Variants in GDAP1 observed in about 807,000 individuals in gnomAD.
GDAP1 encodes the protein ganglioside-induced differentiation-associated protein 1.
Under a neutral mutation model 40.1 loss-of-function variants are expected in GDAP1, and 34 were observed. That is an observed-to-expected ratio of 0.85 (90% CI 0.64 to 1.13). The LOEUF (loss-of-function observed/expected upper bound fraction) is 1.13, where lower values mean the gene tolerates loss of function less well. Among genes scored for constraint, GDAP1 ranks in the 50% most tolerant of loss-of-function variants. The probability of loss-of-function intolerance (pLI) is 0.00; values close to 1 mark genes in which losing one functional copy is unlikely to be tolerated. For synonymous variants in GDAP1, 170 were observed against 157.4 expected (o/e 1.08, Z -0.60); for missense variants, 374 against 433.7 (o/e 0.86, Z 1.22).
chr8:74,368,191 A>T (rs1809692413), downstream of GDAP1, among the ~76,000 whole-genome samples: 1 of 152,218 alleles, frequency 6.6e-6, no homozygotes, highest in African/African-American at 2.4e-5. Context: ...TCAAGTTTCC[A>T]TGCCAAAAAC....
intron 2 of GDAP1, among the ~76,000 whole-genome samples, chr8:74,443,972 TTCTG>T (rs748579595): frequency 1.0e-3 from 138 of 138,056 alleles, no homozygotes; most frequent in Non-Finnish European, 1.7e-3. Flanking sequence ...CCTTTATTCT[TTCTG>T]TCTGTCTATC....
chr8:74,388,931 T>C (rs951918870), intron 2 of GDAP1, among the ~76,000 whole-genome samples: 7 of 152,228 alleles, frequency 4.6e-5, no homozygotes, highest in Non-Finnish European at 8.8e-5. Flanking sequence ...TACCATTATG[T>C]AATGCCCTTC....
intron 2 of GDAP1, among the ~76,000 whole-genome samples, chr8:74,442,088 T>C (rs2131572515): frequency 6.6e-6 from 1 of 152,354 alleles, no homozygotes; most frequent in East Asian, 1.9e-4. Context: ...TAAAAACTGT[T>C]AAGCTAAGTT....
At chr8:74,353,284 T>G (rs1266876729) in intron 2 of GDAP1, among the ~76,000 whole-genome samples, 2 of 152,196 alleles carry the variant, frequency 1.3e-5, no homozygotes, top group African/African-American at 4.8e-5. Flanking sequence ...ACTATTATTG[T>G]AACTCAGCAA....
intron 2 of GDAP1, among the ~76,000 whole-genome samples, chr8:74,457,905 T>G (rs190626592): frequency 1.4e-4 from 21 of 152,248 alleles, no homozygotes; most frequent in Admixed American, 1.2e-3. Flanking sequence ...GTAATTATGA[T>G]TACCATGATA....
chr8:74,419,458 A>G (rs1300596740), intron 2 of GDAP1, among the ~76,000 whole-genome samples: 8 of 152,210 alleles, frequency 5.3e-5, no homozygotes, highest in Non-Finnish European at 1.5e-5. Flanking sequence ...CTTGGAAAGA[A>G]AAAACTGTAG....
At chr8:74,436,867 A>G (rs903231829) in intron 2 of GDAP1, among the ~76,000 whole-genome samples, 84 of 152,202 alleles carry the variant, frequency 5.5e-4, no homozygotes, top group African/African-American at 2.0e-3. Context: ...TGACTAAATT[A>G]GGACTCAAAA....
intron 2 of GDAP1, among the ~76,000 whole-genome samples, chr8:74,423,655 C>G (rs1439411611): frequency 2.6e-5 from 4 of 151,870 alleles, no homozygotes; most frequent in Non-Finnish European, 4.4e-5. Flanking sequence ...CTCAGTAAAA[C>G]AGATTTACTA....
At chr8:74,438,791 G>A (rs1023726469) in intron 2 of GDAP1, among the ~76,000 whole-genome samples, 2 of 152,068 alleles carry the variant, frequency 1.3e-5, no homozygotes, top group Non-Finnish European at 2.9e-5. Context: ...TGTAGAGATG[G>A]AGATCTTGCT....
At chr8:74,422,677 A>G (rs1215746966) in intron 2 of GDAP1, among the ~76,000 whole-genome samples, 1 of 151,962 alleles carries the variant, frequency 6.6e-6, no homozygotes, top group East Asian at 1.9e-4. Flanking sequence ...GAGACATTGA[A>G]GAAAAGAGGC....
At chr8:74,375,425 A>G (rs1809836579) in intron 2 of GDAP1, among the ~76,000 whole-genome samples, 1 of 152,226 alleles carries the variant, frequency 6.6e-6, no homozygotes, top group South Asian at 2.1e-4. Flanking sequence ...TCAAAAGTAT[A>G]CGTCATACAT....
chr8:74,410,295 T>C (rs1805693505), intron 2 of GDAP1, among the ~76,000 whole-genome samples: 1 of 149,910 alleles, frequency 6.7e-6, no homozygotes, highest in Non-Finnish European at 1.5e-5. Flanking sequence ...TTGATTGAAT[T>C]TATCTGCATT....
chr8:74,356,715 TA>T (rs1246071051), intron 2 of GDAP1, among the ~76,000 whole-genome samples: 74 of 90,500 alleles, frequency 8.2e-4, no homozygotes, highest in South Asian at 3.1e-3. Flanking sequence ...TATATATATA[TA>T]TTTTTTTTTT....
rs1372682136 is a variant in GDAP1, at chr8:74,401,956, G to T, written c.165+50635G>T. On this transcript the variant is annotated intron_variant, in intron 2 of 2. Coordinates refer to the GDAP1 transcript ENST00000523640. The stretch of plus-strand genomic sequence containing the variant: ...GTACCCGGCCGTGTGGTGTCAGTCT[G>T]CCCCTACTAGGGGTGCCTCCCAGTT... 1.3e-5 allele frequency among the ~76,000 whole-genome samples: 2 copies of T among 150,154 alleles called. 1 individual carries two copies. The highest frequency in any genetic ancestry group is 5.1e-5 in the African/African-American group (2 of 39,472).
chr8:74,431,980 TTG>T (rs1348417654), intron 2 of GDAP1, among the ~76,000 whole-genome samples: 4 of 152,230 alleles, frequency 2.6e-5, no homozygotes, highest in African/African-American at 9.6e-5. Context: ...ATGAAATGTT[TTG>T]TGTGAAGTAT....
intron 2 of GDAP1, among the ~76,000 whole-genome samples, chr8:74,404,249 T>G (rs927023042): frequency 2.0e-5 from 3 of 149,682 alleles, no homozygotes; most frequent in Admixed American, 6.6e-5. Flanking sequence ...ATAATAGTAT[T>G]AGGTTGGTGC....
intron 2 of GDAP1, among the ~76,000 whole-genome samples, chr8:74,485,207 C>T (rs901858226): frequency 4.6e-5 from 7 of 152,082 alleles, no homozygotes; most frequent in South Asian, 2.1e-4. Flanking sequence ...TCCCATGATA[C>T]GATTATGAAA....
intron 2 of GDAP1, among the ~76,000 whole-genome samples, chr8:74,446,651 T>C (rs755150058): frequency 2.0e-5 from 3 of 152,212 alleles, no homozygotes; most frequent in Non-Finnish European, 4.4e-5. Flanking sequence ...AGCTAGTGTT[T>C]ATTGATCAAT....
At chr8:74,355,898 T>A (rs939641091) in intron 2 of GDAP1, among the ~76,000 whole-genome samples, 4 of 152,124 alleles carry the variant, frequency 2.6e-5, no homozygotes, top group Admixed American at 6.5e-5. Context: ...TAAAATCACG[T>A]AAATCTTATT....
Sources: gnomAD v4.1 joint callset for allele counts (sites outside exome capture counted in the v4.1 genomes callset) on GRCh38, gnomAD v4.1.1 for gene constraint, MANE v1.5 for transcripts, NCBI Gene and HGNC (gene_info 2026-07-23, HGNC 2026-07-21) for gene names.